PHLDB1: variants seen among roughly 807,000 people sequenced by gnomAD.
PHLDB1 encodes the protein pleckstrin homology-like domain family B member 1.
PHLDB1 carries 65 observed loss-of-function variants against 139.3 expected under a neutral mutation model. That is an observed-to-expected ratio of 0.47 (90% CI 0.38 to 0.57). The LOEUF (loss-of-function observed/expected upper bound fraction) is 0.57, where lower values mean the gene tolerates loss of function less well. Among genes scored for constraint, PHLDB1 ranks in the 20% least tolerant of loss-of-function variants. The pLI is 0.00. For synonymous variants in PHLDB1, 679 were observed against 734.5 expected, an observed-to-expected ratio of 0.92 and a Z score of 1.22; for missense variants, 1,624 against 1,839.7, an observed-to-expected ratio of 0.88 and a Z score of 2.14.
intron 7 of PHLDB1, 91 bp downstream of exon 7, chr11:118,631,570 A>G: frequency 9.0e-7 from 1 of 1,109,948 alleles, no homozygotes. Context: ...AGGTCCAGTG[A>G]GGGGAAGGAT....
At chr11:118,631,767 G>A (rs1456541899) in intron 7 of PHLDB1, 146 bp from the exon 8 acceptor site, 9 of 975,652 alleles carry the variant, frequency 9.2e-6, no homozygotes, top group Non-Finnish European at 1.4e-5. Flanking sequence ...CCTCAAAGGT[G>A]GGGGTTGCGG....
rs1940202197 is a variant in PHLDB1 at position 118,611,162 on chromosome 11, G to A, written c.-21-2654G>A. Among the ~76,000 whole-genome samples, 1 of 152,222 alleles carries A rather than the reference G, an allele frequency of 6.6e-6. No homozygotes were observed. Among genetic ancestry groups the A allele is most frequent in the Admixed American group, 6.5e-5 (1 of 15,292 alleles). On this transcript the variant is annotated intron_variant, in intron 1 of 22. Coordinates refer to ENST00000600882, the MANE Select transcript of PHLDB1 (RefSeq NM_001144758.3). This position sits in a 1 kb window ranked among gnomAD's most constrained non-coding sequence, Gnocchi z 4.7. ...AAGGTGAGGGCGCCCCCAGGTGGCC[G>A]CTCTCGGCCGCGGCGATCGCCCTTT...
At position 118,628,575 on chromosome 11, in the gene PHLDB1, C is replaced by T. The variant is rs782415870; in HGVS notation, c.1752C>T (p.Asp584=). 2 of 1,613,078 alleles carry T rather than the reference C, an allele frequency of 1.2e-6. No homozygotes were observed. The highest frequency in any genetic ancestry group is 2.2e-5 in the South Asian group (2 of 91,072). The part of the protein sequence containing the change: ...ERKNSITEIS[D]NEDDLLEYHR... ...AAAATAGCATCACAGAGATCAGTGA[C>T]AATGAGGACGACCTCCTGGAGTACC... is the stretch of plus-strand genomic sequence containing the variant. The change falls in exon 6 of 23, where the codon GAC becomes GAT. Residue 584 remains aspartate, a synonymous_variant. Transcript: ENST00000600882.
chr11:118,626,250 T>A (rs1336582372), intron 5 of PHLDB1, among the ~76,000 whole-genome samples: 3 of 151,906 alleles, frequency 2.0e-5, no homozygotes, highest in Admixed American at 1.3e-4. Flanking sequence ...TTTTCTTTTT[T>A]TTTTTTTACC....
chr11:118,649,634 G>C (rs1555133854), intron 18 of PHLDB1, among the ~76,000 whole-genome samples: 1 of 152,178 alleles, frequency 6.6e-6, no homozygotes, highest in Admixed American at 6.5e-5. Flanking sequence ...TAATTATCTA[G>C]TTCAAAGCCG....
chr11:118,632,163 A>G lies in PHLDB1; in HGVS notation c.2246A>G (p.Glu749Gly). The G allele has an allele frequency of 6.2e-7, 1 of 1,614,000 alleles. No homozygotes were observed. The highest frequency in any genetic ancestry group is 8.5e-7 in the Non-Finnish European group (1 of 1,179,922). ...QQLQESAREA[E>G]MERALLQGER... ...GACCCTGGTGTCTGCCCCCAGGCCG[A>G]AATGGAGCGGGCACTGCTGCAGGGA... The change falls in exon 9 of 23, where the codon GAA becomes GGA. Residue 749 changes from glutamate (E) to glycine (G), a missense_variant. Coordinates refer to ENST00000600882, the MANE Select transcript of PHLDB1 (RefSeq NM_001144758.3). This position sits in a 1 kb window ranked among gnomAD's most constrained non-coding sequence, Gnocchi z 5.9.
Position 118,628,141 on chromosome 11 carries a change from C to T in PHLDB1, c.1318C>T (p.Pro440Ser). The change falls in exon 6 of 23, where the codon CCT becomes TCT. Residue 440 changes from proline (P) to serine (S), a missense_variant. By Grantham distance (74) the Pro-to-Ser change is moderately conservative. Transcript: ENST00000600882. The part of the protein sequence containing the change: ...SDGLATRTLQ[P>S]PESPRLGRRG... ...TGGGTTAGCCACCCGTACCCTGCAG[C>T]CTCCTGAGAGTCCCCGCCTGGGCCG... The T allele has an allele frequency of 6.2e-7, 1 of 1,614,086 alleles. No homozygotes were observed. The highest frequency in any genetic ancestry group is 8.5e-7 in the Non-Finnish European group (1 of 1,179,998).
intron 4 of PHLDB1, chr11:118,621,394 G>T: frequency 6.6e-6 from 1 of 152,320 alleles, no homozygotes; most frequent in African/African-American, 2.4e-5. Flanking sequence ...GGGCATTGGC[G>T]GCTGCTCGCT....
rs367796188 is a variant in PHLDB1, at chr11:118,650,064, C to T, written c.3655-13C>T. 5.6e-6 allele frequency: 9 copies of T among 1,600,374 alleles called. No homozygotes were observed. Among genetic ancestry groups the T allele is most frequent in the Admixed American group, 1.7e-5 (1 of 60,002 alleles). Reference sequence around the variant, plus strand: ...AGAGAGGAGACTCTCCTGACCCTCCCTCTTGCTCCCAGGCACGACCCCTGA... The same window carrying T: ...AGAGAGGAGACTCTCCTGACCCTCCTTCTTGCTCCCAGGCACGACCCCTGA... On this transcript the variant is annotated splice_polypyrimidine_tract_variant and intron_variant, in intron 18 of 22. Transcript: ENST00000600882. This position sits in a 1 kb window ranked among gnomAD's most constrained non-coding sequence, Gnocchi z 4.7.
At chr11:118,609,877 C>T (rs1939830060) in intron 1 of PHLDB1, among the ~76,000 whole-genome samples, 1 of 152,152 alleles carries the variant, frequency 6.6e-6, no homozygotes, top group Admixed American at 6.5e-5. Context: ...GGCACCTTTC[C>T]ACCACCGGAC....
At position 118,610,522 on chromosome 11, in the gene PHLDB1, C is replaced by T. The variant is rs115808851; in HGVS notation, c.-22+2823C>T. On this transcript the variant is annotated intron_variant, in intron 1 of 22. Coordinates refer to ENST00000600882, the MANE Select transcript of PHLDB1 (RefSeq NM_001144758.3). This position sits in a 1 kb window ranked among gnomAD's most constrained non-coding sequence, Gnocchi z 8.7. ...CGAGGCCGAGGCCGACCCCCAGGGA[C>T]ACAGGTGAGGCCGGGCGACCCGCGG... 2.1e-5 allele frequency: 21 copies of T among 978,548 alleles called. No individual in the cohort carries two copies. In the African/African-American group the frequency reaches 3.7e-4, roughly 17 times the overall value. 60.6% of individuals were successfully genotyped at this position (978,548 alleles called of 1,614,324 possible).
At chr11:118,613,530 G>T in intron 1 of PHLDB1, 1 of 907,352 alleles carries the variant, frequency 1.1e-6, no homozygotes, top group Non-Finnish European at 1.4e-6. Context: ...GAGTAGCATA[G>T]GGCAAGAAAG....
chr11:118,609,314 TTA>T (rs1244674729), intron 1 of PHLDB1, among the ~76,000 whole-genome samples: 7 of 61,528 alleles, frequency 1.1e-4, no homozygotes, highest in Admixed American at 4.0e-4. Flanking sequence ...ACAGCCCAGC[TTA>T]CACACACAGC....
At chr11:118,647,511 C>T (rs10736494) in intron 17 of PHLDB1, 7,370 of 157,232 alleles carry the variant, frequency 0.047, 328 homozygotes, top group African/African-American at 0.12. Context: ...GTCAGGAGTT[C>T]AAGACTAGCC....
chr11:118,618,695 G>A (rs1384915354), intron 4 of PHLDB1, among the ~76,000 whole-genome samples: 1 of 151,886 alleles, frequency 6.6e-6, no homozygotes. Flanking sequence ...TATACAAGAC[G>A]ATCATTTTCC....
In PHLDB1 at chr11:118,657,847, G is replaced by C. The variant is rs1423320765; in HGVS notation, c.*1024G>C. 3 of 166,098 alleles carry C rather than the reference G, an allele frequency of 1.8e-5. No homozygotes were observed. The highest frequency in any genetic ancestry group is 7.2e-5 in the African/African-American group (3 of 41,858). 10.3% of individuals were successfully genotyped at this position (166,098 alleles called of 1,614,324 possible). On this transcript the variant is annotated 3_prime_UTR_variant, in exon 23 of 23. Transcript: ENST00000600882. Reference sequence around the variant, plus strand: ...CTTCCTTCAGCCTCCGAAGGGTGATGGAAATGGAGAGTGGAGGACCAGGCC... The same window carrying C: ...CTTCCTTCAGCCTCCGAAGGGTGATCGAAATGGAGAGTGGAGGACCAGGCC...
At chr11:118,646,129 A>G (rs981872703) in intron 17 of PHLDB1, among the ~76,000 whole-genome samples, 1 of 152,064 alleles carries the variant, frequency 6.6e-6, no homozygotes, top group African/African-American at 2.4e-5. Flanking sequence ...GCGTGGTGGC[A>G]GGCGCCTGTA....
Position 118,620,215 on chromosome 11 carries a change from G to A in PHLDB1, c.355+4004G>A, listed in dbSNP as rs1045670097. Among the ~76,000 whole-genome samples, 32 of 152,236 alleles carry A rather than the reference G, an allele frequency of 2.1e-4. No homozygotes were observed. Among genetic ancestry groups the A allele is most frequent in the African/African-American group, 7.5e-4 (31 of 41,462 alleles). On this transcript the variant is annotated intron_variant, in intron 4 of 22. Transcript: ENST00000600882. The surrounding 1 kb of genome is among the most constrained non-coding windows in gnomAD (Gnocchi z 4.1). ...GTAGGTATTAATACCTGACTGGGCC[G>A]GGTGCAGTGGCTCACGCCTGTAATC...
intron 6 of PHLDB1, chr11:118,630,030 T>G (rs1321792731): frequency 2.2e-5 from 5 of 230,826 alleles, no homozygotes; most frequent in South Asian, 9.0e-5. Flanking sequence ...CTGTTCCGGT[T>G]TTTTTTTTTT....
Sources: gnomAD v4.1 joint callset for allele counts (sites outside exome capture counted in the v4.1 genomes callset) on GRCh38, gnomAD v4.1.1 for gene constraint, Gnocchi (gnomAD v3.1) non-coding constraint, MANE v1.5 for transcripts, NCBI Gene and HGNC (gene_info 2026-07-23, HGNC 2026-07-21) for gene names.